TREM1: variants seen among roughly 807,000 people sequenced by gnomAD.
TREM1 encodes the protein triggering receptor expressed on monocytes 1.
TREM1 carries 16 observed loss-of-function variants against 22.4 expected under a neutral mutation model. The observed-to-expected ratio is 0.71, with a 90% CI of 0.48 to 1.08. TREM1 has a LOEUF of 1.08. Ranked by LOEUF, TREM1 falls within the 50% of genes least tolerant of loss-of-function variation. The probability of loss-of-function intolerance (pLI) is 0.00; values close to 1 mark genes in which losing one functional copy is unlikely to be tolerated. For missense variants in TREM1, 283 were observed against 282.9 expected (o/e 1.00, Z 0.00); for synonymous variants, 110 against 111.6 (o/e 0.99, Z 0.09).
At chr6:41,283,961 T>G (rs1768045023) in intron 1 of TREM1, among the ~76,000 whole-genome samples, 2 of 149,794 alleles carry the variant, frequency 1.3e-5, no homozygotes, top group African/African-American at 5.0e-5. Context: ...AGAAAGTGAG[T>G]GGGAGGAAGG....
downstream of TREM1, chr6:41,270,136 T>C (rs1274093879): frequency 2.0e-5 from 3 of 152,154 alleles, no homozygotes; most frequent in East Asian, 5.8e-4. Flanking sequence ...GCTGGAGGCA[T>C]ATTTCATGAT....
intron 2 of TREM1, 123 bp from the exon 3 acceptor site, chr6:41,281,276 T>C (rs766958640): frequency 3.1e-5 from 36 of 1,149,718 alleles, no homozygotes; most frequent in Non-Finnish European, 4.4e-5. Context: ...GGGTAGGTGG[T>C]ACGGTAAATG....
At chr6:41,267,862 A>ACAAAAG (rs1478626036), downstream of TREM1, 13 of 398,006 alleles carry the variant, frequency 3.3e-5, no homozygotes, top group Non-Finnish European at 4.9e-5. Flanking sequence ...AAAAAATAAG[A>ACAAAAG]CAAAAGCTAA....
chr6:41,272,641 C>T (rs1218057170), downstream of TREM1, among the ~76,000 whole-genome samples: 1 of 151,980 alleles, frequency 6.6e-6, no homozygotes, highest in Non-Finnish European at 1.5e-5. Flanking sequence ...TCCAAGTTGA[C>T]CATGTCTGCA....
chr6:41,283,077 G>A (rs951873821), intron 1 of TREM1, among the ~76,000 whole-genome samples: 2 of 152,208 alleles, frequency 1.3e-5, no homozygotes, highest in Admixed American at 6.5e-5. Context: ...CTAAGACCAC[G>A]AGTGGCTGCA....
chr6:41,279,521 A>C, intron 3 of TREM1: 1 of 985,418 alleles, frequency 1.0e-6, no homozygotes, highest in South Asian at 4.7e-5. Context: ...GAGGAAAAAA[A>C]AAAATTGACT....
chr6:41,280,664 G>T, intron 3 of TREM1: 1 of 1,403,442 alleles, frequency 7.1e-7, no homozygotes, highest in Non-Finnish European at 9.2e-7. Flanking sequence ...CAGGCCCCTG[G>T]GGTTGGATGA....
In TREM1 at chr6:41,282,612, C is replaced by A. The variant is rs149215363; in HGVS notation, c.189G>T (p.Met63Ile). The A allele has an allele frequency of 6.6e-5, 107 of 1,614,200 alleles. No homozygotes were observed. The African/African-American group carries it at 1.2e-3, about 17-fold the overall frequency. Residue 63 changes from methionine to isoleucine, a missense_variant, in exon 2 of 4, where the codon ATG becomes ATT. Met to Ile is a conservative substitution (Grantham distance 10, BLOSUM62 1). Coordinates refer to ENST00000244709, the MANE Select transcript of TREM1 (RefSeq NM_018643.5). The part of the protein sequence containing the change: ...KAWQIIRDGE[M>I]PKTLACTERP... ...TCTCTGTGCATGCCAGGGTCTTGGG[C>A]ATCTCTCCGTCCCTTATTATCTGCC...
At chr6:41,268,864 T>A (rs770258762), downstream of TREM1, among the ~76,000 whole-genome samples, 14 of 152,196 alleles carry the variant, frequency 9.2e-5, no homozygotes, top group Non-Finnish European at 1.8e-4. Context: ...CATCATTGAT[T>A]TGTAATCAGC....
chr6:41,272,988 T>C (rs1211404802), downstream of TREM1, among the ~76,000 whole-genome samples: 1 of 152,158 alleles, frequency 6.6e-6, no homozygotes, highest in African/African-American at 2.4e-5. Context: ...TCCCCTTCTA[T>C]TGAGGATGGA....
intron 3 of TREM1, 129 bp downstream of exon 3, chr6:41,280,832 C>A (rs1483896036): frequency 4.8e-5 from 73 of 1,527,004 alleles, no homozygotes; most frequent in Non-Finnish European, 6.4e-5. Context: ...TCTACCCAGA[C>A]TAATGTGACT....
Position 41,282,490 on chromosome 6 carries a change from T to A in TREM1, c.311A>T (p.Gln104Leu). 1.2e-6 allele frequency: 2 copies of A among 1,614,186 alleles called. No homozygotes were observed. The highest frequency in any genetic ancestry group is 1.7e-6 in the Non-Finnish European group (2 of 1,180,040). ...CTGATACAGTCCAGAATCTTCCACT[T>A]GAAGGTTGACCATTCGGACGCGCAG... Reference protein sequence around the residue: ...GLLRVRMVNLQVEDSGLYQCV... With the variant: ...GLLRVRMVNLLVEDSGLYQCV... The change falls in exon 2 of 4, where the codon CAA becomes CTA. Residue 104 changes from glutamine to leucine, a missense_variant. Physicochemically the swap from Gln to Leu is moderately radical, Grantham distance 113. Coordinates refer to ENST00000244709, the MANE Select transcript of TREM1 (RefSeq NM_018643.5).
At chr6:41,279,013 A>G (rs1200603531) in intron 3 of TREM1, among the ~76,000 whole-genome samples, 1 of 152,190 alleles carries the variant, frequency 6.6e-6, no homozygotes, top group African/African-American at 2.4e-5. Context: ...AAACAAAAGG[A>G]AAAACCCCAT....
intron 3 of TREM1, chr6:41,279,918 G>A: frequency 2.4e-5 from 23 of 973,808 alleles, no homozygotes; most frequent in Non-Finnish European, 2.8e-5. Context: ...AAATATATCT[G>A]CAAGAATATG....
chr6:41,271,386 A>G (rs924519676), downstream of TREM1, among the ~76,000 whole-genome samples: 1 of 152,328 alleles, frequency 6.6e-6, no homozygotes, highest in East Asian at 1.9e-4. Context: ...TCACATACAT[A>G]GAGTGTGGCT....
At chr6:41,271,531 T>C (rs897373720), downstream of TREM1, among the ~76,000 whole-genome samples, 19 of 152,204 alleles carry the variant, frequency 1.2e-4, 2 homozygotes, top group Non-Finnish European at 4.4e-5. Flanking sequence ...TGCTGTTATT[T>C]ACCTTTTGCT....
intron 1 of TREM1, 85 bp from the exon 2 acceptor site, chr6:41,282,836 T>C: frequency 7.9e-7 from 1 of 1,272,532 alleles, no homozygotes; most frequent in East Asian, 2.3e-5. Flanking sequence ...CCCCCTGTTT[T>C]TCTTGTCCAA....
chr6:41,282,626 T>C lies in TREM1; in HGVS notation c.175A>G (p.Arg59Gly), dbSNP rs1007248541. 6.2e-7 allele frequency: 1 copy of C among 1,614,104 alleles called. No individual in the cohort carries two copies. Among genetic ancestry groups the C allele is most frequent in the Non-Finnish European group, 8.5e-7 (1 of 1,180,038 alleles). The change falls in exon 2 of 4, where the codon AGG becomes GGG. Residue 59 changes from arginine to glycine, a missense_variant. Arg to Gly is a moderately radical substitution (Grantham distance 125, BLOSUM62 -2). Coordinates refer to ENST00000244709, the MANE Select transcript of TREM1 (RefSeq NM_018643.5). ...AGGGTCTTGGGCATCTCTCCGTCCC[T>C]TATTATCTGCCAAGCTTTCTGGCTG... ...ASSQKAWQII[R>G]DGEMPKTLAC...
rs1554147926 is a variant in TREM1, at chr6:41,283,719, A to ACACACAC, written c.50-969_50-968insGTGTGTG. Among the ~76,000 whole-genome samples, 152 of 147,030 alleles carry ACACACAC rather than the reference A, an allele frequency of 1.0e-3. 1 individual carries two copies. The highest frequency in any genetic ancestry group is 3.5e-3 in the African/African-American group (138 of 39,438). On this transcript the variant is annotated intron_variant, in intron 1 of 3. Coordinates refer to ENST00000244709, the MANE Select transcript of TREM1 (RefSeq NM_018643.5). ...AGGGCAAGACTCTGTTAAAAAAAAA[A>ACACACAC]ACACACACACACACACACACATACA...
Sources: gnomAD v4.1 joint callset for allele counts (sites outside exome capture counted in the v4.1 genomes callset) on GRCh38, gnomAD v4.1.1 for gene constraint, MANE v1.5 for transcripts, NCBI Gene and HGNC (gene_info 2026-07-23, HGNC 2026-07-21) for gene names.